The following RPRD1B variants were observed in gnomAD, a reference collection of about 807,000 sequenced individuals.
RPRD1B encodes regulation of nuclear pre-mRNA domain containing 1B.
Under a neutral mutation model 41.5 loss-of-function variants are expected in RPRD1B, and 11 were observed. That is an observed-to-expected ratio of 0.27 (90% CI 0.17 to 0.44). RPRD1B has a LOEUF of 0.44. RPRD1B is among the 20% of genes least tolerant of loss of function. RPRD1B has a pLI of 1.00. For missense variants in RPRD1B, 248 were observed against 389.9 expected (o/e 0.64, Z 3.06); for synonymous variants, 158 against 155.6 (o/e 1.02, Z -0.12).
At chr20:38,051,606 G>A (rs546850738) in intron 3 of RPRD1B, among the ~76,000 whole-genome samples, 40 of 152,338 alleles carry the variant, frequency 2.6e-4, no homozygotes, top group Admixed American at 9.2e-4. Context: ...CGACTTTAAA[G>A]CTGATATTCT....
chr20:38,070,842 G>A (rs528930393), intron 6 of RPRD1B: 9 of 547,610 alleles, frequency 1.6e-5, no homozygotes, highest in African/African-American at 2.2e-5. Flanking sequence ...AGCGATTCTC[G>A]TGCCTCAGCC....
At chr20:38,064,504 C>G (rs1223334919) in intron 5 of RPRD1B, among the ~76,000 whole-genome samples, 1 of 152,218 alleles carries the variant, frequency 6.6e-6, no homozygotes, top group East Asian at 1.9e-4. Flanking sequence ...AAGCACCAAC[C>G]TACTCTTTTG....
At chr20:38,038,734 G>T (rs1018658371) in intron 1 of RPRD1B, among the ~76,000 whole-genome samples, 1 of 152,116 alleles carries the variant, frequency 6.6e-6, no homozygotes, top group Non-Finnish European at 1.5e-5. Flanking sequence ...GTGACCTCAG[G>T]TGATCCACCT....
chr20:38,037,310 G>A (rs772653860), intron 1 of RPRD1B, among the ~76,000 whole-genome samples: 10 of 152,184 alleles, frequency 6.6e-5, no homozygotes, highest in Non-Finnish European at 1.0e-4. Context: ...CTAAATGAAT[G>A]TTTTTAATGG....
chr20:38,062,209 A>G (rs963065917), intron 5 of RPRD1B, among the ~76,000 whole-genome samples: 1 of 152,156 alleles, frequency 6.6e-6, no homozygotes, highest in African/African-American at 2.4e-5. Flanking sequence ...GCATTATTCT[A>G]GCTTTCCTCC....
At chr20:38,052,012 A>G (rs2074190463) in intron 3 of RPRD1B, among the ~76,000 whole-genome samples, 1 of 152,188 alleles carries the variant, frequency 6.6e-6, no homozygotes. Flanking sequence ...CGGCCTCCCA[A>G]AATGGCAGGA....
rs889046100 is a variant in RPRD1B, at chr20:38,052,631, GT to G, written c.415+4158del. 4.6e-5 allele frequency among the ~76,000 whole-genome samples: 7 copies of G among 151,578 alleles called. No individual in the cohort carries two copies. In the East Asian group the frequency reaches 5.8e-4, roughly 13 times the overall value. On this transcript the variant is annotated intron_variant, in intron 3 of 6. Transcript: ENST00000373433. Reference sequence around the variant, plus strand: ...AAGTAATATAAAGTCTATAGGTGTGGTTTTTTTTGTTGTTGTTAACTAGTCA... The same window carrying G: ...AAGTAATATAAAGTCTATAGGTGTGGTTTTTTTGTTGTTGTTAACTAGTCA...
chr20:38,068,014 G>A (rs892015582), intron 6 of RPRD1B, among the ~76,000 whole-genome samples: 1 of 152,196 alleles, frequency 6.6e-6, no homozygotes, highest in Admixed American at 6.5e-5. Flanking sequence ...GGTAGAGCTG[G>A]TTAACTCTTT....
At chr20:38,059,734 A>G (rs1473644771) in intron 5 of RPRD1B, among the ~76,000 whole-genome samples, 2 of 152,230 alleles carry the variant, frequency 1.3e-5, no homozygotes, top group Non-Finnish European at 2.9e-5. Context: ...GAATTATTGC[A>G]GAAATGCTGG....
chr20:38,055,533 C>T (rs1052354456), intron 3 of RPRD1B, among the ~76,000 whole-genome samples: 2 of 151,996 alleles, frequency 1.3e-5, no homozygotes, highest in Admixed American at 6.6e-5. Flanking sequence ...CTAAGTTGGC[C>T]TCTACACATT....
At chr20:38,054,905 C>T (rs1480664002) in intron 3 of RPRD1B, among the ~76,000 whole-genome samples, 5 of 152,178 alleles carry the variant, frequency 3.3e-5, no homozygotes, top group African/African-American at 9.7e-5. Flanking sequence ...CTGCATGGGT[C>T]ATATAGCACA....
chr20:38,079,435 C>A (rs1301385056), intron 6 of RPRD1B, among the ~76,000 whole-genome samples: 1 of 152,030 alleles, frequency 6.6e-6, no homozygotes, highest in Non-Finnish European at 1.5e-5. Context: ...CAAGTAGTCC[C>A]GGGTGTCTTA....
intron 3 of RPRD1B, among the ~76,000 whole-genome samples, chr20:38,055,755 C>T (rs758394027): frequency 1.2e-4 from 18 of 152,076 alleles, no homozygotes; most frequent in Non-Finnish European, 1.9e-4. Context: ...TATCACTGGG[C>T]GATAAGGAGA....
chr20:38,072,928 A>G (rs1240049250), intron 6 of RPRD1B, among the ~76,000 whole-genome samples: 2 of 152,216 alleles, frequency 1.3e-5, no homozygotes, highest in African/African-American at 4.8e-5. Context: ...ATCTAAGTAA[A>G]GTGATTAGCA....
chr20:38,089,642 C>T lies in RPRD1B; in HGVS notation c.832-84C>T, dbSNP rs984885632. On this transcript the variant is annotated intron_variant, in intron 6 of 6. Coordinates refer to ENST00000373433, the MANE Select transcript of RPRD1B (RefSeq NM_021215.4). ...GTGGGGACAAGGAAGAACACGAGGA[C>T]GAGAGTAGCTGCCCGGCTCCAGCAG... is the stretch of plus-strand genomic sequence containing the variant. 3.8e-5 allele frequency: 43 copies of T among 1,130,510 alleles called. 1 individual carries two copies. The Admixed American group carries it at 4.8e-4, about 13-fold the overall frequency. 70.0% of individuals were successfully genotyped at this position (1,130,510 alleles called of 1,614,324 possible). A position where few individuals can be genotyped will look rare whatever the true frequency, so the allele number is the denominator to read the frequency against.
chr20:38,046,158 G>A (rs192154008), intron 2 of RPRD1B, among the ~76,000 whole-genome samples: 7 of 152,178 alleles, frequency 4.6e-5, no homozygotes, highest in African/African-American at 1.7e-4. Flanking sequence ...GGTGGGTGTT[G>A]CTGGAATGCA....
At chr20:38,052,685 CA>C (rs1391260584) in intron 3 of RPRD1B, among the ~76,000 whole-genome samples, 8 of 137,230 alleles carry the variant, frequency 5.8e-5, no homozygotes, top group African/African-American at 1.9e-4. Flanking sequence ...AGAGAAGGAA[CA>C]AAAAAACCTG....
At chr20:38,050,577 G>A (rs1002583406) in intron 3 of RPRD1B, among the ~76,000 whole-genome samples, 1 of 152,162 alleles carries the variant, frequency 6.6e-6, no homozygotes, top group Admixed American at 6.5e-5. Flanking sequence ...TCAATTTAAT[G>A]TACATTTGCT....
At chr20:38,079,384 G>GGTA (rs1334189290) in intron 6 of RPRD1B, among the ~76,000 whole-genome samples, 1 of 152,034 alleles carries the variant, frequency 6.6e-6, no homozygotes, top group African/African-American at 2.4e-5. Flanking sequence ...GTACCTGATA[G>GGTA]GTAGTTTTTC....
Sources: allele counts gnomAD v4.1 joint callset (sites outside exome capture counted in the v4.1 genomes callset), GRCh38; gene constraint gnomAD v4.1.1; transcripts MANE v1.5; gene names NCBI Gene and HGNC (gene_info 2026-07-23, HGNC 2026-07-21).